HYDIN: variants seen among roughly 807,000 people sequenced by gnomAD.
HYDIN encodes axonemal central pair apparatus protein HYDIN.
HYDIN carries 132 observed loss-of-function variants against 403.9 expected under a neutral mutation model. The ratio of observed to expected loss-of-function variants is 0.33; its 90% CI spans 0.28 to 0.38. The LOEUF is 0.38. Among genes scored for constraint, HYDIN ranks in the 10% least tolerant of loss-of-function variants. The pLI, the probability that HYDIN is intolerant of heterozygous loss-of-function variation, is 1.00. For synonymous variants in HYDIN, 1,202 were observed against 1,891.7 expected (o/e 0.64, Z 9.46); for missense variants, 2,827 against 5,009.5 (o/e 0.56, Z 13.15).
Position 70,881,130 on chromosome 16 carries a change from G to GT in HYDIN, c.10216-1375dup, listed in dbSNP as rs1414879422. On this transcript the variant is annotated intron_variant, in intron 60 of 85. Coordinates refer to ENST00000393567, the MANE Select transcript of HYDIN (RefSeq NM_001270974.2). The stretch of plus-strand genomic sequence containing the variant: ...AGTCCCAGCTACTCAGGAGGCTGAG[G>GT]TGGGAGGATCACTTGAGCCCAGGAA... Among the ~76,000 whole-genome samples, 6 of 138,118 alleles carry GT rather than the reference G, an allele frequency of 4.3e-5. No homozygotes were observed. The East Asian group carries it at 1.2e-3, about 27-fold the overall frequency. The allele number at this position is 138,118 out of a possible 152,430, so 90.6% of individuals were successfully genotyped here.
At chr16:70,951,248 C>CAGAGACAG (rs2078059452) in intron 41 of HYDIN, among the ~76,000 whole-genome samples, 2 of 130,306 alleles carry the variant, frequency 1.5e-5, no homozygotes, top group South Asian at 2.6e-4. Context: ...GGAAAAGGGA[C>CAGAGACAG]AGAGAGAGAG....
chr16:70,984,984 A>G, intron 28 of HYDIN: 1 of 511,198 alleles, frequency 2.0e-6, no homozygotes, highest in Non-Finnish European at 3.5e-6. Flanking sequence ...GTGCCTGGAA[A>G]CTGGTTACTG....
At chr16:71,089,065 T>C (rs2083021491) in intron 11 of HYDIN, among the ~76,000 whole-genome samples, 1 of 143,554 alleles carries the variant, frequency 7.0e-6, no homozygotes, top group Admixed American at 7.1e-5. Flanking sequence ...TATTGAGACA[T>C]TTTCATCTCA....
chr16:71,136,715 T>A (rs1452889905), intron 8 of HYDIN, among the ~76,000 whole-genome samples: 1 of 141,104 alleles, frequency 7.1e-6, no homozygotes, highest in Admixed American at 7.6e-5. Flanking sequence ...TGTAGTGAGC[T>A]GAGATCGCGC....
intron 43 of HYDIN, chr16:70,941,316 G>A (rs1270778442): frequency 3.1e-5 from 6 of 195,268 alleles, no homozygotes; most frequent in Non-Finnish European, 5.1e-5. Context: ...TATTAGCACC[G>A]TGAGTTTTAT....
In HYDIN at chr16:70,943,833, C is replaced by G. The variant is rs537243629; in HGVS notation, c.6648G>C (p.Gln2216His). ...SCVLPDELLV[Q>H]ILAERIQLSD... ...CCACCTGTATCCGCTCTGCCAGGAT[C>G]TGCACGAGAAGTTCATCCGGGAGCA... Residue 2216 changes from glutamine (Q) to histidine (H), a missense_variant, in exon 42 of 86, where the codon CAG (glutamine) becomes CAC (histidine). Transcript: ENST00000393567. 4 of 1,613,192 alleles carry G rather than the reference C, an allele frequency of 2.5e-6. No individual in the cohort carries two copies. In the South Asian group the frequency reaches 4.4e-5, roughly 18 times the overall value.
chr16:71,165,362 C>T lies in HYDIN; in HGVS notation c.517-2632G>A, dbSNP rs113840380. ...CCCCTCACCTCTTCAGCACTTGGCA[C>T]GGCGATCCACTGTCTCCCCGAGGCC... On this transcript the variant is annotated intron_variant, in intron 5 of 85. Transcript: ENST00000393567. 2.1e-3 allele frequency among the ~76,000 whole-genome samples: 324 copies of T among 152,036 alleles called. 6 individuals are homozygous for T. Among genetic ancestry groups the T allele is most frequent in the African/African-American group, 7.4e-3 (306 of 41,434 alleles).
At chr16:71,193,731 C>T (rs939944273) in intron 1 of HYDIN, among the ~76,000 whole-genome samples, 4 of 152,246 alleles carry the variant, frequency 2.6e-5, no homozygotes, top group South Asian at 2.1e-4. Flanking sequence ...GCTGCAGGGA[C>T]GTGTACGTGT....
chr16:71,183,768 C>G lies in HYDIN; in HGVS notation c.261+1097G>C, dbSNP rs555380608. Among the ~76,000 whole-genome samples the G allele has an allele frequency of 2.9e-4, 44 of 152,196 alleles. No individual in the cohort carries two copies. The South Asian group carries it at 8.5e-3, about 29-fold the overall frequency. ...AAGAAATTAGTAGATGACTGCCACCCATCTAAGAGATAAATGATTAAATCT... is the reference window on the plus strand; with the variant it reads ...AAGAAATTAGTAGATGACTGCCACCGATCTAAGAGATAAATGATTAAATCT... On this transcript the variant is annotated intron_variant, in intron 3 of 85. Transcript: ENST00000393567.
At chr16:71,045,216 C>G (rs1168440588) in intron 18 of HYDIN, among the ~76,000 whole-genome samples, 2 of 152,158 alleles carry the variant, frequency 1.3e-5, no homozygotes, top group African/African-American at 2.4e-5. Flanking sequence ...GCATACATCT[C>G]TTGGTTTTTT....
At chr16:70,809,345 C>T (rs902339500) in intron 85 of HYDIN, among the ~76,000 whole-genome samples, 1 of 152,192 alleles carries the variant, frequency 6.6e-6, no homozygotes, top group African/African-American at 2.4e-5. Flanking sequence ...TATAGCAATC[C>T]TGCAAGGTTG....
chr16:71,199,635 C>T (rs2087885111), intron 1 of HYDIN, among the ~76,000 whole-genome samples: 1 of 152,130 alleles, frequency 6.6e-6, no homozygotes, highest in African/African-American at 2.4e-5. Flanking sequence ...ATCTGTCCAG[C>T]CTTTCTAGTC....
intron 25 of HYDIN, among the ~76,000 whole-genome samples, chr16:70,988,877 G>A (rs2079256636): frequency 6.7e-6 from 1 of 149,198 alleles, no homozygotes. Flanking sequence ...GTGTCTGAAG[G>A]TGTGTGTGTG....
At chr16:71,153,135 A>G (rs55994249) in intron 6 of HYDIN, among the ~76,000 whole-genome samples, 13,063 of 152,090 alleles carry the variant, frequency 0.086, 1,827 homozygotes, top group African/African-American at 0.3. Context: ...TTGTCCTCAA[A>G]CACTGAGATT....
intron 1 of HYDIN, among the ~76,000 whole-genome samples, chr16:71,222,855 T>C (rs1033142085): frequency 6.6e-6 from 1 of 152,162 alleles, no homozygotes; most frequent in African/African-American, 2.4e-5. Context: ...CACAAACAAA[T>C]GGATACACAT....
intron 9 of HYDIN, among the ~76,000 whole-genome samples, chr16:71,128,233 C>G (rs2084552189): frequency 1.3e-5 from 2 of 152,152 alleles, no homozygotes; most frequent in South Asian, 4.1e-4. Flanking sequence ...AAAACTGTGT[C>G]CCAGAGGATG....
chr16:71,169,451 A>G (rs1482626760), intron 5 of HYDIN, among the ~76,000 whole-genome samples: 1 of 152,086 alleles, frequency 6.6e-6, no homozygotes, highest in Non-Finnish European at 1.5e-5. Flanking sequence ...AGAAAAGAAA[A>G]TGTGGCATAT....
Position 70,837,767 on chromosome 16 carries a change from G to C in HYDIN, c.13165C>G (p.Gln4389Glu). The change falls in exon 77 of 86, where the codon CAA becomes GAA. Residue 4389 changes from glutamine to glutamate, a missense_variant. By Grantham distance (29) the Gln-to-Glu change is conservative. Coordinates refer to ENST00000393567, the MANE Select transcript of HYDIN (RefSeq NM_001270974.2). ...TTGATTTCAAAGGGAATGAGTTCTT[G>C]ATAGTTGATACTTTCTCGAGGATAA... ...TFYPRESINYQELIPFEINGL... is the reference protein window; with the variant it reads ...TFYPRESINYEELIPFEINGL... 1.9e-6 allele frequency: 3 copies of C among 1,613,894 alleles called. No individual in the cohort carries two copies. The highest frequency in any genetic ancestry group is 2.5e-6 in the Non-Finnish European group (3 of 1,179,846).
chr16:70,811,782 G>T (rs1425426252), intron 84 of HYDIN, among the ~76,000 whole-genome samples: 1 of 151,234 alleles, frequency 6.6e-6, no homozygotes, highest in African/African-American at 2.4e-5. Context: ...GCTTGAACTC[G>T]GGAGGCAGAG....
Sources: allele counts gnomAD v4.1 joint callset (sites outside exome capture counted in the v4.1 genomes callset), GRCh38; gene constraint gnomAD v4.1.1; transcripts MANE v1.5; gene names NCBI Gene and HGNC (gene_info 2026-07-23, HGNC 2026-07-21).